Variants in KLF8 observed in about 807,000 individuals in gnomAD.
The protein encoded by KLF8 is KLF transcription factor 8.
Under a neutral mutation model 18.2 loss-of-function variants are expected in KLF8, and 10 were observed. That is an observed-to-expected ratio of 0.55 (90% confidence interval 0.34 to 0.93). The LOEUF is 0.93. Ranked by LOEUF, KLF8 falls within the 40% of genes least tolerant of loss-of-function variation. The probability of loss-of-function intolerance (pLI) is 0.02; values close to 1 mark genes in which losing one functional copy is unlikely to be tolerated. For missense variants in KLF8, 264 were observed against 277.9 expected (o/e 0.95, Z 0.36); for synonymous variants, 109 against 97.3 (o/e 1.12, Z -0.71).
chrX:55,963,037 T>G, the KLF8 span, among the ~76,000 whole-genome samples: 5 of 112,525 alleles, frequency 4.4e-5, no homozygotes, highest in Admixed American at 1.9e-4. Context: ...TGTTGTTTTC[T>G]GTCTTATTTA....
At chrX:55,911,811 C>A in the KLF8 span, among the ~76,000 whole-genome samples, 5 of 112,035 alleles carry the variant, frequency 4.5e-5, no homozygotes, top group African/African-American at 1.3e-4. Context: ...CTTGTGACTC[C>A]CTTTTAGAGA....
the KLF8 span, among the ~76,000 whole-genome samples, chrX:55,942,016 A>G: frequency 9.0e-6 from 1 of 111,371 alleles, no homozygotes; most frequent in Admixed American, 9.6e-5. Context: ...CCCATTACTG[A>G]GTATATACCC....
chrX:56,153,818 C>T, the KLF8 span, among the ~76,000 whole-genome samples: 2 of 111,503 alleles, frequency 1.8e-5, no homozygotes, highest in African/African-American at 6.5e-5. Context: ...CATGAGTGAA[C>T]TCCCATTCAC....
At chrX:56,266,444 T>C (rs1323418053) in intron 3 of KLF8, 1 of 707,884 alleles carries the variant, frequency 1.4e-6, no homozygotes, top group Non-Finnish European at 1.7e-6. Flanking sequence ...TTAATTTTTT[T>C]ATGTATGCCT....
chrX:56,178,017 G>A, the KLF8 span, among the ~76,000 whole-genome samples: 2 of 111,736 alleles, frequency 1.8e-5, no homozygotes, highest in Admixed American at 1.9e-4. Flanking sequence ...TCTTTGGCTG[G>A]GAAAGGGAAT....
At chrX:56,024,757 A>G in the KLF8 span, among the ~76,000 whole-genome samples, 1 of 111,857 alleles carries the variant, frequency 8.9e-6, no homozygotes, top group East Asian at 2.8e-4. Context: ...TCTATGGATA[A>G]CATCGGTTGC....
the KLF8 span, among the ~76,000 whole-genome samples, chrX:56,171,408 T>C: frequency 4.5e-5 from 5 of 111,850 alleles, no homozygotes; most frequent in African/African-American, 1.3e-4. Flanking sequence ...AGTTCTAGGG[T>C]ACATGTGCAC....
chrX:56,185,383 C>A, the KLF8 span, among the ~76,000 whole-genome samples: 3 of 111,702 alleles, frequency 2.7e-5, no homozygotes, highest in Non-Finnish European at 5.6e-5. Context: ...GTGAAAAGAC[C>A]AAATCTACAT....
the KLF8 span, among the ~76,000 whole-genome samples, chrX:56,198,543 A>G: frequency 8.9e-6 from 1 of 112,020 alleles, no homozygotes; most frequent in Non-Finnish European, 1.9e-5. Context: ...GATGTGAAGA[A>G]CCTCTTCAAA....
At chrX:55,944,946 C>G in the KLF8 span, among the ~76,000 whole-genome samples, 2 of 110,817 alleles carry the variant, frequency 1.8e-5, no homozygotes, top group East Asian at 5.7e-4. Context: ...TGGATCTTTC[C>G]TGCTTTCTCT....
chrX:56,215,530 A>C, the KLF8 span, among the ~76,000 whole-genome samples: 1 of 109,866 alleles, frequency 9.1e-6, no homozygotes, highest in Non-Finnish European at 1.9e-5. Flanking sequence ...AAATTCACAT[A>C]TCCAATTGCT....
At chrX:55,942,715 G>C in the KLF8 span, among the ~76,000 whole-genome samples, 1 of 111,159 alleles carries the variant, frequency 9.0e-6, no homozygotes, top group South Asian at 3.8e-4. Flanking sequence ...CTGGTTCCTA[G>C]GATAATGGAA....
the KLF8 span, among the ~76,000 whole-genome samples, chrX:56,197,236 G>A: frequency 6.8e-4 from 75 of 109,663 alleles, no homozygotes; most frequent in Non-Finnish European, 1.3e-3. Flanking sequence ...AAATAACTAA[G>A]ATCAGAGCAG....
At chrX:55,968,071 T>C in the KLF8 span, among the ~76,000 whole-genome samples, 1 of 111,470 alleles carries the variant, frequency 9.0e-6, no homozygotes, top group Non-Finnish European at 1.9e-5. Context: ...ACCTTCCAGA[T>C]GGAAAATCAG....
chrX:56,142,975 T>C, the KLF8 span, among the ~76,000 whole-genome samples: 2 of 112,055 alleles, frequency 1.8e-5, no homozygotes, highest in Admixed American at 1.9e-4. Flanking sequence ...ACGTGACACT[T>C]TAAAAATATG....
the KLF8 span, among the ~76,000 whole-genome samples, chrX:56,070,776 A>G: frequency 8.9e-6 from 1 of 112,674 alleles, no homozygotes; most frequent in African/African-American, 3.2e-5. Flanking sequence ...TCTTGGAACT[A>G]TAAGTAAAAT....
the KLF8 span, among the ~76,000 whole-genome samples, chrX:56,050,785 C>A: frequency 2.7e-5 from 3 of 110,675 alleles, no homozygotes; most frequent in African/African-American, 9.9e-5. Flanking sequence ...CTATTAGGTC[C>A]GCTTGGTGCA....
chrX:55,938,711 CAG>C, the KLF8 span, among the ~76,000 whole-genome samples: 312 of 110,830 alleles, frequency 2.8e-3, 2 homozygotes, highest in African/African-American at 9.8e-3. Context: ...CAAAAAAAGA[CAG>C]GGGTTGCAAT....
chrX:56,183,862 G>A, the KLF8 span, among the ~76,000 whole-genome samples: 3 of 111,365 alleles, frequency 2.7e-5, no homozygotes, highest in South Asian at 1.2e-3. Flanking sequence ...ACGGCTCAAT[G>A]GATAAAAAAT....
Sources: allele counts gnomAD v4.1 joint callset (sites outside exome capture counted in the v4.1 genomes callset), GRCh38; gene constraint gnomAD v4.1.1; transcripts MANE v1.5; gene names NCBI Gene and HGNC (gene_info 2026-07-23, HGNC 2026-07-21).